Variants in AJAP1 observed in about 807,000 individuals in gnomAD.
AJAP1 encodes adherens junction-associated protein 1.
A neutral mutation model predicts 35.0 loss-of-function variants in AJAP1; 5 were observed. The observed-to-expected ratio is 0.14, with a 90% confidence interval of 0.07 to 0.30. The LOEUF is 0.30. AJAP1 is among the 10% of genes least tolerant of loss of function. The pLI is 1.00. For synonymous variants in AJAP1, 284 were observed against 249.3 expected (o/e 1.14, Z -1.31); for missense variants, 586 against 571.0 (o/e 1.03, Z -0.27).
At chr1:4,730,093 G>A (rs1307612509) in intron 2 of AJAP1, among the ~76,000 whole-genome samples, 2 of 152,154 alleles carry the variant, frequency 1.3e-5, no homozygotes, top group Non-Finnish European at 2.9e-5. Flanking sequence ...CACAGCGTCC[G>A]CAGAGGGCAG....
chr1:4,660,412 C>G (rs909538258), intron 1 of AJAP1, among the ~76,000 whole-genome samples: 13 of 151,868 alleles, frequency 8.6e-5, no homozygotes, highest in Non-Finnish European at 1.8e-4. Flanking sequence ...TTGACTATAT[C>G]CGTGTCACAA....
At chr1:4,753,654 C>T (rs1162810164) in intron 2 of AJAP1, among the ~76,000 whole-genome samples, 1 of 152,178 alleles carries the variant, frequency 6.6e-6, no homozygotes, top group East Asian at 1.9e-4. Context: ...CTCACCGCAA[C>T]CTCCGCCTCC....
intron 2 of AJAP1, among the ~76,000 whole-genome samples, chr1:4,732,584 T>C (rs1295950444): frequency 6.6e-6 from 1 of 152,254 alleles, no homozygotes; most frequent in African/African-American, 2.4e-5. Flanking sequence ...AGCCTCTCAG[T>C]GCTGTAACTT....
intron 2 of AJAP1, among the ~76,000 whole-genome samples, chr1:4,749,988 G>T (rs1179434428): frequency 2.0e-5 from 3 of 151,958 alleles, no homozygotes; most frequent in African/African-American, 7.3e-5. Context: ...GTGGGCATAG[G>T]TATTTTCATG....
Position 4,656,503 on chromosome 1 carries a change from C to T in AJAP1, c.29+1049C>T, listed in dbSNP as rs1235699944. On this transcript the variant is annotated intron_variant, in intron 1 of 5. Coordinates refer to ENST00000378191, the MANE Select transcript of AJAP1 (RefSeq NM_018836.4). The surrounding 1 kb of genome is among the most constrained non-coding windows in gnomAD (Gnocchi z 5.7). ...GCTCCCGCGTTGGGGACGAAAAGGCCAGTAGTTGTTAGCCCGCTGCTTGAG... is the reference window on the plus strand; with the variant it reads ...GCTCCCGCGTTGGGGACGAAAAGGCTAGTAGTTGTTAGCCCGCTGCTTGAG... Among the ~76,000 whole-genome samples the T allele has an allele frequency of 1.3e-5, 2 of 152,156 alleles. No individual in the cohort carries two copies. Among genetic ancestry groups the T allele is most frequent in the African/African-American group, 2.4e-5 (1 of 41,442 alleles).
chr1:4,678,642 T>C (rs1291958111), intron 1 of AJAP1, among the ~76,000 whole-genome samples: 1 of 152,350 alleles, frequency 6.6e-6, no homozygotes, highest in East Asian at 1.9e-4. Flanking sequence ...CAATCTCATG[T>C]ACCGTTATCA....
At chr1:4,758,814 C>T (rs1023724562) in intron 2 of AJAP1, among the ~76,000 whole-genome samples, 1 of 152,178 alleles carries the variant, frequency 6.6e-6, no homozygotes, top group Non-Finnish European at 1.5e-5. Context: ...CCAGGACAGC[C>T]GGCGTGCAGA....
chr1:4,736,727 T>A (rs887437397), intron 2 of AJAP1, among the ~76,000 whole-genome samples: 1 of 152,100 alleles, frequency 6.6e-6, no homozygotes, highest in Non-Finnish European at 1.5e-5. Flanking sequence ...AATAAGCAAA[T>A]GAAAATTAAA....
chr1:4,679,851 G>GTGTA (rs1483052875), intron 1 of AJAP1, among the ~76,000 whole-genome samples: 4 of 137,708 alleles, frequency 2.9e-5, no homozygotes, highest in African/African-American at 1.1e-4. Flanking sequence ...GTGTGTGTGT[G>GTGTA]TAGAGAGAGA....
At chr1:4,689,579 G>A (rs1276794191) in intron 1 of AJAP1, among the ~76,000 whole-genome samples, 1 of 152,212 alleles carries the variant, frequency 6.6e-6, no homozygotes, top group African/African-American at 2.4e-5. Flanking sequence ...GTGCCTGGAT[G>A]GCCTGGTCTT....
At chr1:4,755,172 C>T (rs552870107) in intron 2 of AJAP1, among the ~76,000 whole-genome samples, 110 of 152,296 alleles carry the variant, frequency 7.2e-4, no homozygotes, top group Admixed American at 3.1e-3. Context: ...GGGGGCCTTT[C>T]GAGTGCATCT....
At position 4,786,346 on chromosome 1, in the gene AJAP1, A is replaced by G. The variant is rs1224599838; in HGVS notation, c.*3861A>G. On this transcript the variant is annotated 3_prime_UTR_variant, in exon 6 of 6. Transcript: ENST00000378191. ...CATTCAGCTCCCAGAAATTCACTCCAGTCCTTCCTGGAGCATTGTGAAATT... is the reference window on the plus strand; with the variant it reads ...CATTCAGCTCCCAGAAATTCACTCCGGTCCTTCCTGGAGCATTGTGAAATT... The G allele has an allele frequency of 6.6e-6, 1 of 152,194 alleles. No individual in the cohort carries two copies. The highest frequency in any genetic ancestry group is 1.5e-5 in the Non-Finnish European group (1 of 68,028). The allele number at this position is 152,194 out of a possible 1,614,324, so 9.4% of individuals were successfully genotyped here. A position where few individuals can be genotyped will look rare whatever the true frequency, so the allele number is the denominator to read the frequency against.
intron 2 of AJAP1, among the ~76,000 whole-genome samples, chr1:4,740,621 TA>T (rs1446717419): frequency 2.0e-5 from 3 of 151,160 alleles, no homozygotes; most frequent in Admixed American, 6.6e-5. Context: ...CCGTCTCTAC[TA>T]AAAAATACAA....
intron 1 of AJAP1, among the ~76,000 whole-genome samples, chr1:4,704,606 A>G (rs1640060774): frequency 3.3e-5 from 5 of 152,174 alleles, no homozygotes; most frequent in Admixed American, 3.3e-4. Flanking sequence ...GAATAGTGCC[A>G]CAATAAACAT....
At chr1:4,665,444 C>T (rs1639095413) in intron 1 of AJAP1, among the ~76,000 whole-genome samples, 1 of 152,120 alleles carries the variant, frequency 6.6e-6, no homozygotes, top group South Asian at 2.1e-4. Context: ...CTCACAGCTC[C>T]AGGTTCCTTC....
intron 2 of AJAP1, among the ~76,000 whole-genome samples, chr1:4,715,101 G>A (rs1640358944): frequency 6.6e-6 from 1 of 152,160 alleles, no homozygotes; most frequent in African/African-American, 2.4e-5. Context: ...TGGGACAGAG[G>A]GCTGAACTCC....
chr1:4,712,225 A>G lies in AJAP1; in HGVS notation c.355A>G (p.Lys119Glu). The G allele has an allele frequency of 1.3e-6, 2 of 1,544,356 alleles. No homozygotes were observed. Among genetic ancestry groups the G allele is most frequent in the African/African-American group, 1.4e-5 (1 of 72,632 alleles). Residue 119 changes from lysine to glutamate, a missense_variant, in exon 2 of 6, where the codon AAG (lysine) becomes GAG (glutamate). Lys to Glu is a moderately conservative substitution (Grantham distance 56, BLOSUM62 1). Transcript: ENST00000378191. The part of the protein sequence containing the change: ...AALVPKAGLA[K>E]PPAAAKSSPS... ...CCTCGTGCCCAAGGCAGGACTGGCC[A>G]AGCCCCCAGCTGCTGCCAAATCCAG... is the stretch of plus-strand genomic sequence containing the variant.
At chr1:4,741,733 T>C (rs1403252449) in intron 2 of AJAP1, among the ~76,000 whole-genome samples, 1 of 152,206 alleles carries the variant, frequency 6.6e-6, no homozygotes, top group African/African-American at 2.4e-5. Context: ...AGGCCTCAGT[T>C]TGCAGAATTT....
rs1642262439 is a variant in AJAP1 at position 4,792,528 on chromosome 1, A to AG, written c.*10043_*10044insG. 6.6e-6 allele frequency: 1 copy of AG among 151,196 alleles called. No individual in the cohort carries two copies. Among genetic ancestry groups the AG allele is most frequent in the African/African-American group, 2.4e-5 (1 of 41,146 alleles). 9.4% of individuals were successfully genotyped at this position (151,196 alleles called of 1,614,324 possible). A position where few individuals can be genotyped will look rare whatever the true frequency, so the allele number is the denominator to read the frequency against. ...AAAAAAAAACATAATATGAAAAAAA[A>AG]AAAAAAGAAGAGAAAAAAGAATTAC... On this transcript the variant is annotated 3_prime_UTR_variant, in exon 6 of 6. Transcript: ENST00000378191.
Sources: allele counts gnomAD v4.1 joint callset (sites outside exome capture counted in the v4.1 genomes callset), GRCh38; gene constraint gnomAD v4.1.1; non-coding constraint Gnocchi (gnomAD v3.1); transcripts MANE v1.5; gene names NCBI Gene and HGNC (gene_info 2026-07-23, HGNC 2026-07-21).